Variants in YBEY observed in about 807,000 individuals in gnomAD.
YBEY encodes endoribonuclease YbeY.
In YBEY, 15 loss-of-function variants were observed where a neutral mutation model predicts 13.5. That is an observed-to-expected ratio of 1.11 (90% CI 0.75 to 1.72). The LOEUF is 1.72. Ranked by LOEUF, YBEY falls within the 40% of genes most tolerant of loss-of-function variation. The probability of loss-of-function intolerance (pLI) is 0.00; values close to 1 mark genes in which losing one functional copy is unlikely to be tolerated. For missense variants in YBEY, 244 were observed against 208.4 expected (o/e 1.17, Z -1.05); for synonymous variants, 101 against 83.1 (o/e 1.21, Z -1.17).
In YBEY at chr21:46,291,652, GGAGGGA is replaced by G. The variant is rs1036006763; in HGVS notation, c.339+194_339+199del. On this transcript the variant is annotated intron_variant, in intron 3 of 4. Coordinates refer to ENST00000397701, the MANE Select transcript of YBEY (RefSeq NM_001314025.2). ...CTGCATGCCCCATGCCACAGTTGAA[GGAGGGA>G]GAGAACACGCTGTGAAAACACAGAA... is the stretch of plus-strand genomic sequence containing the variant. The G allele has an allele frequency of 4.2e-5, 58 of 1,384,268 alleles. No individual in the cohort carries two copies. The African/African-American group carries it at 8.5e-4, about 20-fold the overall frequency. The allele number at this position is 1,384,268 out of a possible 1,614,324, so 85.7% of individuals were successfully genotyped here.
intron 2 of YBEY, among the ~76,000 whole-genome samples, chr21:46,289,822 TAAC>T (rs908739687): frequency 3.9e-5 from 6 of 152,216 alleles, no homozygotes; most frequent in African/African-American, 1.4e-4. Context: ...CAAAGATCAA[TAAC>T]AAGATTAATG....
Position 46,286,629 on chromosome 21 carries a change from C to T in YBEY, c.-45+214C>T, listed in dbSNP as rs576034623. The stretch of plus-strand genomic sequence containing the variant: ...CCTCTCTCCGCGCGCACCCCCAACC[C>T]GCCCCCTTTTCTCTGGGAACCGCTC... On this transcript the variant is annotated intron_variant, in intron 1 of 4. Transcript: ENST00000397701. 53 of 265,802 alleles carry T rather than the reference C, an allele frequency of 2.0e-4. 1 individual carries two copies. In the South Asian group the frequency reaches 3.0e-3, roughly 15 times the overall value. 16.5% of individuals were successfully genotyped at this position (265,802 alleles called of 1,614,324 possible).
downstream of YBEY, chr21:46,302,340 C>T (rs181412773): frequency 1.3e-5 from 15 of 1,127,656 alleles, no homozygotes; most frequent in Middle Eastern, 3.0e-4. Flanking sequence ...GGCTGGGACT[C>T]GATGGGGATG....
downstream of YBEY, chr21:46,302,071 ATGGTGGTGGTGG>A: frequency 6.6e-7 from 1 of 1,506,782 alleles, no homozygotes; most frequent in Non-Finnish European, 8.9e-7. Flanking sequence ...GCCACACAGC[ATGGTGGTGGTGG>A]TGGTGGTGGT....
At chr21:46,290,641 G>T (rs2081659794) in intron 2 of YBEY, among the ~76,000 whole-genome samples, 1 of 152,028 alleles carries the variant, frequency 6.6e-6, no homozygotes. Flanking sequence ...TGGCACAGTG[G>T]CTCACGCCTG....
downstream of YBEY, chr21:46,301,550 G>C: frequency 1.0e-6 from 1 of 989,038 alleles, no homozygotes; most frequent in African/African-American, 1.7e-5. Flanking sequence ...CTTCCATGTG[G>C]CTAAAGCTAT....
Position 46,286,990 on chromosome 21 carries a change from T to G in YBEY, c.77T>G (p.Val26Gly), listed in dbSNP as rs560663459. The G allele has an allele frequency of 6.2e-7, 1 of 1,613,984 alleles. No individual in the cohort carries two copies. Among genetic ancestry groups the G allele is most frequent in the African/African-American group, 1.3e-5 (1 of 74,896 alleles). The part of the protein sequence containing the change: ...RAPLRSKIEI[V>G]RRILGVQKFD... ...CCACTTCGCAGTAAGATCGAGATTG[T>G]AAGGAGGATTTTAGGAGTGCAGAAA... Residue 26 changes from valine to glycine, a missense_variant, in exon 2 of 5, where the codon GTA becomes GGA. Coordinates refer to ENST00000397701, the MANE Select transcript of YBEY (RefSeq NM_001314025.2).
At chr21:46,306,877 T>TG in the YBEY span, among the ~76,000 whole-genome samples, 1 of 151,714 alleles carries the variant, frequency 6.6e-6, no homozygotes, top group Non-Finnish European at 1.5e-5. Context: ...TGTGAGCCGC[T>TG]GTGCCCGGCC....
chr21:46,310,181 G>A, the YBEY span, among the ~76,000 whole-genome samples: 1 of 151,890 alleles, frequency 6.6e-6, no homozygotes, highest in East Asian at 2.0e-4. Context: ...ATATGTATAT[G>A]TTAAAACTTG....
At chr21:46,300,948 C>T (rs2082086292), downstream of YBEY, among the ~76,000 whole-genome samples, 1 of 152,066 alleles carries the variant, frequency 6.6e-6, no homozygotes. Context: ...GTAAGAAACC[C>T]CACAGCACAG....
chr21:46,291,370 C>A lies in YBEY; in HGVS notation c.247C>A (p.Pro83Thr), dbSNP rs748187413. 8 of 1,614,012 alleles carry A rather than the reference C, an allele frequency of 5.0e-6. No homozygotes were observed. The South Asian group carries it at 8.8e-5, about 18-fold the overall frequency. The change falls in exon 3 of 5, where the codon CCA becomes ACA. Residue 83 changes from proline (P) to threonine (T), a missense_variant. Coordinates refer to ENST00000397701, the MANE Select transcript of YBEY (RefSeq NM_001314025.2). ...AGGTGAATTTCCCCAGCCTGATTTT[C>A]CAGATGACTACAATTTGGGAGACAT... Reference protein sequence around the residue: ...KAGEFPQPDFPDDYNLGDIFL... With the variant: ...KAGEFPQPDFTDDYNLGDIFL...
chr21:46,291,344 CAG>C lies in YBEY; in HGVS notation c.222_223del (p.Gly75Ter). On this transcript the variant is annotated frameshift_variant, in exon 3 of 5. Transcript: ENST00000397701. LOFTEE classifies it high-confidence loss of function. ...TTCCTCATTTTTTAGCATCTGAAAGCAGGTGAATTTCCCCAGCCTGATTTTCC... is the reference window on the plus strand; with the variant it reads ...TTCCTCATTTTTTAGCATCTGAAAGCGTGAATTTCCCCAGCCTGATTTTCC... 1 of 1,613,978 alleles carries C rather than the reference CAG, an allele frequency of 6.2e-7. No individual in the cohort carries two copies. The highest frequency in any genetic ancestry group is 8.5e-7 in the Non-Finnish European group (1 of 1,180,014).
chr21:46,297,157 G>C (rs911398342), intron 4 of YBEY, among the ~76,000 whole-genome samples: 2 of 152,052 alleles, frequency 1.3e-5, no homozygotes, highest in African/African-American at 4.8e-5. Context: ...AGATTAGCCG[G>C]GCGTGGTGGT....
At chr21:46,287,635 G>A (rs1326419769) in intron 2 of YBEY, among the ~76,000 whole-genome samples, 1 of 152,130 alleles carries the variant, frequency 6.6e-6, no homozygotes, top group East Asian at 1.9e-4. Flanking sequence ...AGTATATTCA[G>A]CCTCCACTGA....
chr21:46,300,664 G>A, downstream of YBEY: 2 of 1,267,438 alleles, frequency 1.6e-6, no homozygotes, highest in South Asian at 1.3e-5. Context: ...CCAGGTGGCT[G>A]TCCCTGGGGA....
At chr21:46,310,139 C>G in the YBEY span, among the ~76,000 whole-genome samples, 1 of 152,106 alleles carries the variant, frequency 6.6e-6, no homozygotes, top group Non-Finnish European at 1.5e-5. Context: ...TGGATATGCT[C>G]AGTCTTGATT....
the YBEY span, among the ~76,000 whole-genome samples, chr21:46,308,213 A>G: frequency 6.6e-6 from 1 of 152,128 alleles, no homozygotes; most frequent in African/African-American, 2.4e-5. Flanking sequence ...CCATAATCCC[A>G]GCACTTTGGG....
chr21:46,299,369 A>T (rs2082054144), downstream of YBEY, among the ~76,000 whole-genome samples: 2 of 152,132 alleles, frequency 1.3e-5, no homozygotes, highest in African/African-American at 4.8e-5. Flanking sequence ...CACCTGTTGC[A>T]GGGTAGTTTC....
intron 3 of YBEY, chr21:46,291,882 C>T: frequency 9.9e-7 from 1 of 1,006,146 alleles, no homozygotes. Context: ...AAAACCAATT[C>T]ACTGCAATTG....
Sources: gnomAD v4.1 joint callset for allele counts (sites outside exome capture counted in the v4.1 genomes callset) on GRCh38, gnomAD v4.1.1 for gene constraint, MANE v1.5 for transcripts, NCBI Gene and HGNC (gene_info 2026-07-23, HGNC 2026-07-21) for gene names.